The following BBS9 variants were observed in gnomAD, a reference collection of about 807,000 sequenced individuals.
The protein encoded by BBS9 is protein PTHB1.
In BBS9, 89 loss-of-function variants were observed where a neutral mutation model predicts 117.7. That is an observed-to-expected ratio of 0.76 (90% CI 0.64 to 0.90). BBS9 has a LOEUF of 0.90. Among genes scored for constraint, BBS9 ranks in the 40% least tolerant of loss-of-function variants. The pLI, the probability that BBS9 is intolerant of heterozygous loss-of-function variation, is 0.00. For synonymous variants in BBS9, 379 were observed against 370.9 expected, an observed-to-expected ratio of 1.02 and a Z score of -0.25; for missense variants, 982 against 1,042.2, an observed-to-expected ratio of 0.94 and a Z score of 0.80.
chr7:33,446,632 G>A (rs1282044554), intron 19 of BBS9, among the ~76,000 whole-genome samples: 1 of 152,162 alleles, frequency 6.6e-6, no homozygotes, highest in East Asian at 1.9e-4. Flanking sequence ...GTGATTAAAT[G>A]AGAAAGCAGC....
intron 19 of BBS9, among the ~76,000 whole-genome samples, chr7:33,441,542 G>A (rs1836189227): frequency 6.6e-6 from 1 of 152,058 alleles, no homozygotes; most frequent in African/African-American, 2.4e-5. Flanking sequence ...CATAAATTAT[G>A]TCTATTTCTT....
At chr7:33,482,461 G>A (rs1347416028) in intron 19 of BBS9, among the ~76,000 whole-genome samples, 1 of 152,074 alleles carries the variant, frequency 6.6e-6, no homozygotes, top group Non-Finnish European at 1.5e-5. Flanking sequence ...GGTAACATAG[G>A]GGAGATGCCA....
chr7:33,528,113 A>G (rs1312599359), intron 20 of BBS9, among the ~76,000 whole-genome samples: 2 of 151,646 alleles, frequency 1.3e-5, no homozygotes, highest in African/African-American at 4.9e-5. Context: ...ATAAATACCA[A>G]ACACTTTTCA....
chr7:33,473,054 C>G (rs1841285325), intron 19 of BBS9, among the ~76,000 whole-genome samples: 1 of 152,170 alleles, frequency 6.6e-6, no homozygotes, highest in African/African-American at 2.4e-5. Flanking sequence ...AGCTCCAGCT[C>G]TGGGATGGAT....
At chr7:33,482,803 T>C (rs1842665688) in intron 19 of BBS9, among the ~76,000 whole-genome samples, 1 of 152,220 alleles carries the variant, frequency 6.6e-6, no homozygotes, top group Non-Finnish European at 1.5e-5. Context: ...CCTCCTGTTG[T>C]TCTGGCCATT....
At chr7:33,257,106 C>T (rs763332776) in intron 5 of BBS9, 130 bp from the exon 6 acceptor site, 32 of 564,652 alleles carry the variant, frequency 5.7e-5, no homozygotes, top group Admixed American at 3.4e-4. Context: ...ATTTTCACAC[C>T]GAATGCTGCT....
chr7:33,622,604 G>T (rs1026529090), intron 21 of BBS9, among the ~76,000 whole-genome samples: 2 of 152,038 alleles, frequency 1.3e-5, no homozygotes, highest in Non-Finnish European at 2.9e-5. Context: ...TAAAGCTTGA[G>T]AAAATACATA....
At chr7:33,460,704 T>C (rs1839340944) in intron 19 of BBS9, among the ~76,000 whole-genome samples, 1 of 152,020 alleles carries the variant, frequency 6.6e-6, no homozygotes, top group Non-Finnish European at 1.5e-5. Context: ...GAAGTTTTGG[T>C]GATGTAGCAT....
chr7:33,297,728 G>A (rs1013388998), intron 9 of BBS9, among the ~76,000 whole-genome samples: 2 of 152,124 alleles, frequency 1.3e-5, no homozygotes, highest in Admixed American at 6.6e-5. Flanking sequence ...CCAAAAGCAG[G>A]CATTTGATAA....
At chr7:33,617,438 T>C (rs1865196922) in intron 21 of BBS9, among the ~76,000 whole-genome samples, 1 of 152,012 alleles carries the variant, frequency 6.6e-6, no homozygotes, top group African/African-American at 2.4e-5. Flanking sequence ...AAGAGGTCAG[T>C]GCCTCCTTCT....
intron 5 of BBS9, among the ~76,000 whole-genome samples, chr7:33,220,913 A>T (rs1434064031): frequency 2.0e-5 from 3 of 152,262 alleles, no homozygotes; most frequent in Non-Finnish European, 4.4e-5. Context: ...AATTTATACT[A>T]AGAAATTTGT....
chr7:33,499,796 G>A (rs1260187126), intron 19 of BBS9, among the ~76,000 whole-genome samples: 1 of 152,102 alleles, frequency 6.6e-6, no homozygotes, highest in African/African-American at 2.4e-5. Context: ...TTATAATTAA[G>A]TGAGATTATT....
At chr7:33,305,011 A>G (rs1807577727) in intron 9 of BBS9, among the ~76,000 whole-genome samples, 1 of 152,072 alleles carries the variant, frequency 6.6e-6, no homozygotes, top group Non-Finnish European at 1.5e-5. Context: ...GGCCGCAGGG[A>G]ACTCTGCCTA....
At chr7:33,492,226 A>C (rs1844072457) in intron 19 of BBS9, among the ~76,000 whole-genome samples, 2 of 143,414 alleles carry the variant, frequency 1.4e-5, no homozygotes, top group South Asian at 2.2e-4. Context: ...AAAAAAAAAC[A>C]AAAAAAAAAC....
At chr7:33,458,963 A>T (rs1021560889) in intron 19 of BBS9, among the ~76,000 whole-genome samples, 11 of 152,092 alleles carry the variant, frequency 7.2e-5, no homozygotes, top group Non-Finnish European at 1.6e-4. Flanking sequence ...TCTTTGAAGG[A>T]CAGCTTTTGT....
chr7:33,321,656 G>A (rs1337843960), intron 9 of BBS9, among the ~76,000 whole-genome samples: 1 of 151,802 alleles, frequency 6.6e-6, no homozygotes, highest in Non-Finnish European at 1.5e-5. Flanking sequence ...GTATCATATT[G>A]TCTGCAAACA....
At position 33,198,391 on chromosome 7, in the gene BBS9, A is replaced by G. The variant is rs143260472; in HGVS notation, c.442+20800A>G. ...TAAGGTTTTGGAAGGCAGGATTTGT[A>G]TATTAAAAGTGCATGTTTCCAAGGT... On this transcript the variant is annotated intron_variant, in intron 5 of 22. Transcript: ENST00000242067. 1.1e-3 allele frequency among the ~76,000 whole-genome samples: 170 copies of G among 152,152 alleles called. 1 individual carries two copies. Among genetic ancestry groups the G allele is most frequent in the African/African-American group, 3.8e-3 (158 of 41,574 alleles).
At chr7:33,409,040 A>T (rs993179097) in intron 19 of BBS9, among the ~76,000 whole-genome samples, 1 of 152,050 alleles carries the variant, frequency 6.6e-6, no homozygotes, top group Admixed American at 6.6e-5. Context: ...TCCATTGCCC[A>T]TTTTTTAATG....
At chr7:33,335,836 G>A (rs551365121) in intron 9 of BBS9, among the ~76,000 whole-genome samples, 32 of 152,290 alleles carry the variant, frequency 2.1e-4, no homozygotes, top group African/African-American at 6.0e-4. Flanking sequence ...ATAGGAGAGC[G>A]TGTGAAGGAA....
Sources: allele counts gnomAD v4.1 joint callset (sites outside exome capture counted in the v4.1 genomes callset), GRCh38; gene constraint gnomAD v4.1.1; transcripts MANE v1.5; gene names NCBI Gene and HGNC (gene_info 2026-07-23, HGNC 2026-07-21).